ADGB: variants seen among roughly 807,000 people sequenced by gnomAD.
The protein encoded by ADGB is androglobin, also known as calpain-7-like protein.
In ADGB, 172 loss-of-function variants were observed where a neutral mutation model predicts 210.5. The ratio of observed to expected loss-of-function variants is 0.82; its 90% CI spans 0.72 to 0.93. The LOEUF is 0.93. Ranked by LOEUF, ADGB falls within the 40% of genes least tolerant of loss-of-function variation. ADGB has a pLI of 0.00. For synonymous variants in ADGB, 658 were observed against 662.7 expected (o/e 0.99, Z 0.11); for missense variants, 2,025 against 1,964.8 (o/e 1.03, Z -0.58).
chr6:146,771,116 C>G (rs180910171), intron 29 of ADGB, among the ~76,000 whole-genome samples: 2 of 152,092 alleles, frequency 1.3e-5, no homozygotes, highest in Admixed American at 1.3e-4. Flanking sequence ...CGTCTCAAGC[C>G]GAATACGCCC....
chr6:146,712,179 G>A (rs1776667931), intron 13 of ADGB, among the ~76,000 whole-genome samples: 1 of 127,628 alleles, frequency 7.8e-6, no homozygotes, highest in Non-Finnish European at 1.6e-5. Flanking sequence ...TATGGGTTTT[G>A]TTTTGTTTTT....
chr6:146,761,990 C>T (rs781294550), intron 27 of ADGB, among the ~76,000 whole-genome samples: 89 of 152,102 alleles, frequency 5.9e-4, no homozygotes, highest in Non-Finnish European at 1.1e-3. Flanking sequence ...TGTATGTCTC[C>T]ATGTTTTACC....
intron 32 of ADGB, among the ~76,000 whole-genome samples, chr6:146,786,714 C>G (rs259394): frequency 0.061 from 9,271 of 152,204 alleles, 298 homozygotes; most frequent in Middle Eastern, 0.088. Flanking sequence ...ATTTCTAACT[C>G]AAGTACTCAC....
At position 146,752,674 on chromosome 6, in the gene ADGB, A is replaced by G. The variant is rs1246501026; in HGVS notation, c.3510A>G (p.Ala1170=). 2 of 1,550,624 alleles carry G rather than the reference A, an allele frequency of 1.3e-6. No individual in the cohort carries two copies. The highest frequency in any genetic ancestry group is 1.7e-6 in the Non-Finnish European group (2 of 1,146,362). Residue 1170 remains alanine (A), a synonymous_variant, in exon 27 of 36, where the codon GCA becomes GCG. Coordinates refer to ENST00000397944, the MANE Select transcript of ADGB (RefSeq NM_024694.4). ...STGKGQAIIP[A]FHFLKSEKGL... ...GAAAAGGCCAAGCTATAATCCCAGC[A>G]TTTCACTTCTTGAAGAGTGAGAAAG... is the stretch of plus-strand genomic sequence containing the variant.
chr6:146,729,237 C>A (rs976829694), intron 20 of ADGB, among the ~76,000 whole-genome samples: 4 of 152,240 alleles, frequency 2.6e-5, no homozygotes, highest in Non-Finnish European at 5.9e-5. Context: ...CTGTCCACTG[C>A]AGCTGCACTA....
At chr6:146,682,578 G>A (rs1776172303) in intron 9 of ADGB, among the ~76,000 whole-genome samples, 1 of 152,004 alleles carries the variant, frequency 6.6e-6, no homozygotes, top group South Asian at 2.1e-4. Flanking sequence ...TCCAACAACT[G>A]GAAAGATAAG....
At chr6:146,728,552 C>T in intron 19 of ADGB, 22 bp from the exon 20 acceptor site, 1 of 1,546,010 alleles carries the variant, frequency 6.5e-7, no homozygotes, top group Non-Finnish European at 8.7e-7. Flanking sequence ...GTGAGGATGG[C>T]TGCCATGCTT....
At chr6:146,699,567 T>A (rs1376877464) in intron 12 of ADGB, among the ~76,000 whole-genome samples, 2 of 152,154 alleles carry the variant, frequency 1.3e-5, no homozygotes, top group East Asian at 3.9e-4. Context: ...CGCACGCCAA[T>A]CACCTCTGGA....
In ADGB at chr6:146,625,966, T is replaced by C. The variant is rs193065500; in HGVS notation, c.75-9409T>C. Among the ~76,000 whole-genome samples, 961 of 152,162 alleles carry C rather than the reference T, an allele frequency of 6.3e-3. 7 individuals carry two copies. The highest frequency in any genetic ancestry group is 0.022 in the African/African-American group (906 of 41,526). On this transcript the variant is annotated intron_variant, in intron 1 of 35. Transcript: ENST00000397944. Reference sequence around the variant, plus strand: ...ATTTATCATTTTGCTATTCATTTTCTTTTTGTCTCTCTTTCTTGTGTTCTT... The same window carrying C: ...ATTTATCATTTTGCTATTCATTTTCCTTTTGTCTCTCTTTCTTGTGTTCTT...
rs930073402 is a variant in ADGB, at chr6:146,654,157, A to G, written c.353A>G (p.Glu118Gly). 1 of 1,542,684 alleles carries G rather than the reference A, an allele frequency of 6.5e-7. No homozygotes were observed. The highest frequency in any genetic ancestry group is 1.7e-4 in the Middle Eastern group (1 of 5,950). The change falls in exon 4 of 36, where the codon GAA becomes GGA. Residue 118 changes from glutamate (E) to glycine (G), a missense_variant. Coordinates refer to ENST00000397944, the MANE Select transcript of ADGB (RefSeq NM_024694.4). ...CAGACTCCAGTAGTTGTGAAAAATG[A>G]AATCACGTTTGACTTATTTTCAGCA... ...FSQTPVVVKNEITFDLFSANE... is the reference protein window; with the variant it reads ...FSQTPVVVKNGITFDLFSANE...
intron 1 of ADGB, among the ~76,000 whole-genome samples, chr6:146,607,771 T>C (rs1780652288): frequency 6.6e-6 from 1 of 152,206 alleles, no homozygotes; most frequent in Non-Finnish European, 1.5e-5. Context: ...AGCTTTTTGA[T>C]GTGCTGCTGG....
At chr6:146,778,798 C>T (rs1481844885) in intron 29 of ADGB, among the ~76,000 whole-genome samples, 1 of 152,106 alleles carries the variant, frequency 6.6e-6, no homozygotes, top group Admixed American at 6.5e-5. Flanking sequence ...ATGCACAGAT[C>T]CTCAGAAGGT....
At chr6:146,711,665 A>C (rs1776658542) in intron 13 of ADGB, among the ~76,000 whole-genome samples, 1 of 152,278 alleles carries the variant, frequency 6.6e-6, no homozygotes, top group East Asian at 1.9e-4. Context: ...TTTGGAAGTC[A>C]TTTCCTCAAA....
intron 6 of ADGB, 193 bp downstream of exon 6, chr6:146,664,533 A>G (rs1250528422): frequency 4.2e-6 from 2 of 481,302 alleles, no homozygotes; most frequent in Non-Finnish European, 6.9e-6. Context: ...CAATAATGCA[A>G]AATTCCTCCA....
At chr6:146,750,591 A>G (rs1777305970) in intron 26 of ADGB, among the ~76,000 whole-genome samples, 2 of 152,164 alleles carry the variant, frequency 1.3e-5, no homozygotes, top group South Asian at 4.1e-4. Context: ...GTCGTCATAT[A>G]TATGAGAGAC....
rs148519763 is a variant in ADGB at position 146,756,778 on chromosome 6, C to T, written c.3550+4064C>T. ...TTTGAGATGGAGTCTCACTCTGTCA[C>T]CCAGGCTGTAGTGATCTCAGATCAC... On this transcript the variant is annotated intron_variant, in intron 27 of 35. Coordinates refer to ENST00000397944, the MANE Select transcript of ADGB (RefSeq NM_024694.4). Among the ~76,000 whole-genome samples, 956 of 151,730 alleles carry T rather than the reference C, an allele frequency of 6.3e-3. 6 individuals carry two copies. The highest frequency in any genetic ancestry group is 0.022 in the African/African-American group (904 of 41,364).
intron 2 of ADGB, among the ~76,000 whole-genome samples, chr6:146,641,385 C>A (rs1583570719): frequency 6.6e-6 from 1 of 151,112 alleles, no homozygotes; most frequent in South Asian, 2.1e-4. Context: ...CTTCACAGAA[C>A]TAGAAAAAAC....
intron 2 of ADGB, among the ~76,000 whole-genome samples, chr6:146,641,223 A>G (rs1457906005): frequency 6.6e-6 from 1 of 151,788 alleles, no homozygotes; most frequent in Non-Finnish European, 1.5e-5. Flanking sequence ...AACATCATCT[A>G]TACAAGCAGA....
Position 146,717,038 on chromosome 6 carries a change from T to C in ADGB, c.1897T>C (p.Leu633=), listed in dbSNP as rs1776746410. Residue 633 remains leucine, a synonymous_variant, in exon 15 of 36, where the codon TTA becomes CTA. Coordinates refer to ENST00000397944, the MANE Select transcript of ADGB (RefSeq NM_024694.4). ...TAATAGTGTTTCTAAAGAAATATGG[T>C]TAGATTTTGAAGATTTCTGTGTATG... ...TNNSVSKEIW[L]DFEDFCVCFQ... 1 of 1,551,444 alleles carries C rather than the reference T, an allele frequency of 6.4e-7. No individual in the cohort carries two copies. Among genetic ancestry groups the C allele is most frequent in the Non-Finnish European group, 8.7e-7 (1 of 1,146,828 alleles).
Sources: allele counts gnomAD v4.1 joint callset (sites outside exome capture counted in the v4.1 genomes callset), GRCh38; gene constraint gnomAD v4.1.1; transcripts MANE v1.5; gene names NCBI Gene and HGNC (gene_info 2026-07-23, HGNC 2026-07-21).